The following EXOC4 variants were observed in gnomAD, a reference collection of about 807,000 sequenced individuals.
The protein encoded by EXOC4 is exocyst complex component 4.
Under a neutral mutation model 107.2 loss-of-function variants are expected in EXOC4, and 71 were observed. The observed-to-expected ratio is 0.66, with a 90% CI of 0.55 to 0.81. The LOEUF is 0.81. Ranked by LOEUF, EXOC4 falls within the 30% of genes least tolerant of loss-of-function variation. The pLI is 0.00. For synonymous variants in EXOC4, 456 were observed against 441.2 expected (o/e 1.03, Z -0.42); for missense variants, 1,108 against 1,189.6 (o/e 0.93, Z 1.01).
At chr7:133,578,318 A>T (rs551967437) in intron 9 of EXOC4, among the ~76,000 whole-genome samples, 1 of 152,262 alleles carries the variant, frequency 6.6e-6, no homozygotes, top group South Asian at 2.1e-4. Context: ...AATGCTACAA[A>T]ATTTTGAGTG....
intron 10 of EXOC4, among the ~76,000 whole-genome samples, chr7:133,683,986 A>T (rs1562906301): frequency 1.3e-5 from 2 of 152,224 alleles, no homozygotes; most frequent in Non-Finnish European, 2.9e-5. Context: ...AAGTTAGTTT[A>T]TACATGTTTA....
chr7:133,878,507 T>C (rs1798896954), intron 11 of EXOC4, among the ~76,000 whole-genome samples: 1 of 152,222 alleles, frequency 6.6e-6, no homozygotes. Context: ...GATGGTGTTA[T>C]ATTCATATTC....
chr7:133,903,781 A>G (rs1799507147), intron 12 of EXOC4, among the ~76,000 whole-genome samples: 1 of 152,234 alleles, frequency 6.6e-6, no homozygotes. Context: ...TCTTCACAGG[A>G]GGGAGTATAC....
chr7:133,735,528 A>G (rs1177678163), intron 10 of EXOC4, among the ~76,000 whole-genome samples: 3 of 152,112 alleles, frequency 2.0e-5, no homozygotes, highest in African/African-American at 7.2e-5. Context: ...TAGATTCTCT[A>G]TTTTTGGAGA....
intron 10 of EXOC4, among the ~76,000 whole-genome samples, chr7:133,816,702 A>C (rs557067790): frequency 4.6e-5 from 7 of 152,282 alleles, no homozygotes; most frequent in Admixed American, 3.9e-4. Flanking sequence ...TCGGAATGAA[A>C]TTTCCACCAC....
rs1005752098 is a variant in EXOC4, at chr7:133,884,749, C to G, written c.1735-10850C>G. On this transcript the variant is annotated intron_variant, in intron 11 of 17. Coordinates refer to ENST00000253861, the MANE Select transcript of EXOC4 (RefSeq NM_021807.4). ...CTCAGGAGCTAAAACAGTACAGATA[C>G]AGAGCATTCGGCAAACTAAAGTTGT... is the stretch of plus-strand genomic sequence containing the variant. Among the ~76,000 whole-genome samples, 20 of 152,198 alleles carry G rather than the reference C, an allele frequency of 1.3e-4. No individual in the cohort carries two copies. The East Asian group carries it at 3.9e-3, about 29-fold the overall frequency.
intron 6 of EXOC4, among the ~76,000 whole-genome samples, chr7:133,369,959 G>C (rs975962454): frequency 6.6e-6 from 1 of 151,710 alleles, no homozygotes; most frequent in Admixed American, 6.6e-5. Flanking sequence ...CATGCACCAT[G>C]ACGCCCAGCT....
At chr7:133,729,461 G>T (rs2151115301) in intron 10 of EXOC4, among the ~76,000 whole-genome samples, 1 of 152,172 alleles carries the variant, frequency 6.6e-6, no homozygotes, top group Middle Eastern at 3.4e-3. Context: ...GGGCACTGGG[G>T]AAGGGAGAAA....
chr7:133,415,466 G>A (rs1339329404), intron 7 of EXOC4, among the ~76,000 whole-genome samples: 1 of 152,116 alleles, frequency 6.6e-6, no homozygotes, highest in African/African-American at 2.4e-5. Context: ...TTTAGTGGGT[G>A]TGAGGTAGTA....
chr7:133,506,119 A>C (rs1436213905), intron 9 of EXOC4, among the ~76,000 whole-genome samples: 1 of 152,152 alleles, frequency 6.6e-6, no homozygotes, highest in Non-Finnish European at 1.5e-5. Context: ...TGTTAGTTGT[A>C]TTATATTTGG....
At chr7:133,589,667 C>T (rs771858236) in intron 9 of EXOC4, among the ~76,000 whole-genome samples, 11 of 152,120 alleles carry the variant, frequency 7.2e-5, no homozygotes, top group Non-Finnish European at 1.2e-4. Flanking sequence ...GGGATGTCTA[C>T]GATGTTGGCT....
intron 10 of EXOC4, among the ~76,000 whole-genome samples, chr7:133,661,696 A>AAAC (rs1562896895): frequency 1.3e-4 from 20 of 149,462 alleles, no homozygotes; most frequent in Non-Finnish European, 2.4e-4. Context: ...AAACAAAAAA[A>AAAC]AAAAAAACAA....
chr7:133,763,753 AGTTTTTGTTTTGTTTT>A (rs1252155386), intron 10 of EXOC4, among the ~76,000 whole-genome samples: 1 of 151,832 alleles, frequency 6.6e-6, no homozygotes, highest in Non-Finnish European at 1.5e-5. Flanking sequence ...GGGAAATTAT[AGTTTTTGTTTTGTTTT>A]GTTTTTGTTT....
At chr7:134,082,643 G>A in the EXOC4 span, among the ~76,000 whole-genome samples, 1 of 152,146 alleles carries the variant, frequency 6.6e-6, no homozygotes, top group Admixed American at 6.5e-5. Flanking sequence ...GTTTCACCAT[G>A]TTGGCCAGGA....
At chr7:133,736,101 A>G (rs768879821) in intron 10 of EXOC4, among the ~76,000 whole-genome samples, 7 of 151,970 alleles carry the variant, frequency 4.6e-5, no homozygotes, top group Non-Finnish European at 1.0e-4. Context: ...AAAAAAAAAG[A>G]TATTTATTTT....
rs1470481659 is a variant in EXOC4 at position 133,264,947 on chromosome 7, C to T, written c.87-10035C>T. ...TACTGTCAGCCATTTCTCAGATTGG[C>T]CCTTTAGTATTTTAAAGGCAAAGAG... On this transcript the variant is annotated intron_variant, in intron 1 of 17. Transcript: ENST00000253861. 2.6e-5 allele frequency among the ~76,000 whole-genome samples: 4 copies of T among 152,200 alleles called. No individual in the cohort carries two copies. In the East Asian group the frequency reaches 7.7e-4, roughly 29 times the overall value.
chr7:133,797,545 G>A (rs1228547641), intron 10 of EXOC4, among the ~76,000 whole-genome samples: 1 of 152,164 alleles, frequency 6.6e-6, no homozygotes, highest in Non-Finnish European at 1.5e-5. Context: ...CTAGAGGTCA[G>A]GGAACACAAT....
chr7:133,550,991 A>G (rs1199510220), intron 9 of EXOC4, among the ~76,000 whole-genome samples: 1 of 152,040 alleles, frequency 6.6e-6, no homozygotes, highest in Non-Finnish European at 1.5e-5. Flanking sequence ...TGTGGACAGC[A>G]TCTTCAGCTG....
chr7:134,046,215 C>T (rs2116554153), intron 17 of EXOC4, among the ~76,000 whole-genome samples: 1 of 152,328 alleles, frequency 6.6e-6, no homozygotes, highest in Non-Finnish European at 1.5e-5. Context: ...GGCACAATGG[C>T]TCATGCCTAT....
Sources: gnomAD v4.1 joint callset for allele counts (sites outside exome capture counted in the v4.1 genomes callset) on GRCh38, gnomAD v4.1.1 for gene constraint, MANE v1.5 for transcripts, NCBI Gene and HGNC (gene_info 2026-07-23, HGNC 2026-07-21) for gene names.